The following RGS6 variants were observed in gnomAD, a reference collection of about 807,000 sequenced individuals.
The protein encoded by RGS6 is regulator of G protein signaling 6, also known as regulator of G-protein signaling 6.
A neutral mutation model predicts 78.5 loss-of-function variants in RGS6; 30 were observed. The ratio of observed to expected loss-of-function variants is 0.38; its 90% CI spans 0.29 to 0.52. RGS6 has a LOEUF of 0.52. Among genes scored for constraint, RGS6 ranks in the 20% least tolerant of loss-of-function variants. RGS6 has a pLI of 0.85. For missense variants in RGS6, 495 were observed against 609.7 expected (o/e 0.81, Z 1.98); for synonymous variants, 206 against 206.0 (o/e 1.00, Z 0.00).
At chr14:72,358,233 G>A (rs2080758502) in intron 3 of RGS6, among the ~76,000 whole-genome samples, 1 of 152,224 alleles carries the variant, frequency 6.6e-6, no homozygotes, top group Admixed American at 6.5e-5. Context: ...GCCTCTGCTA[G>A]AACAGTGCAG....
intron 2 of RGS6, among the ~76,000 whole-genome samples, chr14:72,117,340 C>G (rs1187376215): frequency 2.0e-5 from 3 of 152,090 alleles, no homozygotes; most frequent in African/African-American, 7.2e-5. Context: ...TCCCTGAGGT[C>G]ATGAGTTCAC....
At chr14:72,225,976 G>A (rs1394469607) in intron 2 of RGS6, among the ~76,000 whole-genome samples, 1 of 152,118 alleles carries the variant, frequency 6.6e-6, no homozygotes, top group African/African-American at 2.4e-5. Context: ...TTTTGCTGCT[G>A]TTATGGTTAA....
At chr14:71,995,175 T>C (rs1210627516) in intron 2 of RGS6, among the ~76,000 whole-genome samples, 1 of 152,168 alleles carries the variant, frequency 6.6e-6, no homozygotes, top group Non-Finnish European at 1.5e-5. Context: ...AAATTATGGT[T>C]ACCATGTCCC....
chr14:72,414,901 G>A (rs911552702), intron 3 of RGS6, among the ~76,000 whole-genome samples: 2 of 152,190 alleles, frequency 1.3e-5, no homozygotes, highest in Admixed American at 6.5e-5. Context: ...CTGCCTGATC[G>A]TTCCTCTGGA....
chr14:72,007,621 A>C (rs1284891644), intron 2 of RGS6, among the ~76,000 whole-genome samples: 1 of 152,146 alleles, frequency 6.6e-6, no homozygotes, highest in Non-Finnish European at 1.5e-5. Flanking sequence ...TTATGTGCGG[A>C]CCAAGACAGT....
chr14:72,361,482 T>C (rs1157632951), intron 3 of RGS6, among the ~76,000 whole-genome samples: 1 of 152,164 alleles, frequency 6.6e-6, no homozygotes, highest in Non-Finnish European at 1.5e-5. Flanking sequence ...GCTGAAAATA[T>C]AGTAGATGGT....
intron 2 of RGS6, among the ~76,000 whole-genome samples, chr14:71,982,718 C>T (rs1248916473): frequency 6.6e-6 from 1 of 152,232 alleles, no homozygotes; most frequent in African/African-American, 2.4e-5. Flanking sequence ...GAACAAGCAG[C>T]TCCAATTGCT....
chr14:72,236,380 G>A (rs1000883033), intron 2 of RGS6, among the ~76,000 whole-genome samples: 4 of 151,994 alleles, frequency 2.6e-5, no homozygotes, highest in Non-Finnish European at 5.9e-5. Context: ...TTATTAACTC[G>A]AGTTAAATAT....
Position 71,964,738 on chromosome 14 carries a change from C to T in RGS6, c.-20-34C>T, listed in dbSNP as rs77884502. ...CAAAGCCCTCTTTATATAATTCCTT[C>T]GTGACTTAATGGTTTATTCATTTAT... On this transcript the variant is annotated intron_variant, in intron 1 of 17. Transcript: ENST00000553525. 3.6e-3 allele frequency: 5,139 copies of T among 1,439,510 alleles called. 134 individuals carry two copies. The African/African-American group carries it at 0.058, about 16-fold the overall frequency. The allele number at this position is 1,439,510 out of a possible 1,614,324, so 89.2% of individuals were successfully genotyped here. A position where few individuals can be genotyped will look rare whatever the true frequency, so the allele number is the denominator to read the frequency against.
chr14:72,102,104 C>T (rs535757056), intron 2 of RGS6, among the ~76,000 whole-genome samples: 49 of 152,220 alleles, frequency 3.2e-4, no homozygotes, highest in African/African-American at 9.2e-4. Flanking sequence ...TTGTTCCAGC[C>T]GAGGAACAGC....
intron 2 of RGS6, among the ~76,000 whole-genome samples, chr14:72,234,517 G>C (rs1449555018): frequency 6.6e-6 from 1 of 152,164 alleles, no homozygotes; most frequent in African/African-American, 2.4e-5. Context: ...AGATCAGAAG[G>C]TTGCTTATCA....
At chr14:72,016,808 A>G (rs145476311) in intron 2 of RGS6, among the ~76,000 whole-genome samples, 64 of 152,170 alleles carry the variant, frequency 4.2e-4, no homozygotes, top group Middle Eastern at 3.4e-3. Context: ...TATACTTTAA[A>G]CTGTATTTTA....
At chr14:72,377,089 T>C (rs1053031848) in intron 3 of RGS6, among the ~76,000 whole-genome samples, 1 of 152,020 alleles carries the variant, frequency 6.6e-6, no homozygotes, top group Non-Finnish European at 1.5e-5. Flanking sequence ...TAGATTAAAA[T>C]CTCCATTTAG....
chr14:72,418,151 G>A (rs561321661), intron 3 of RGS6, among the ~76,000 whole-genome samples: 1 of 151,760 alleles, frequency 6.6e-6, no homozygotes, highest in African/African-American at 2.4e-5. Flanking sequence ...TGTACTGCCA[G>A]TGTCTCTCTT....
chr14:72,001,621 C>A (rs1456361562), intron 2 of RGS6, among the ~76,000 whole-genome samples: 1 of 152,072 alleles, frequency 6.6e-6, no homozygotes, highest in Non-Finnish European at 1.5e-5. Context: ...AAGACATATT[C>A]TCTTATTTTC....
chr14:72,552,012 CATT>C (rs1473049741), intron 17 of RGS6, among the ~76,000 whole-genome samples: 4 of 152,364 alleles, frequency 2.6e-5, no homozygotes, highest in Middle Eastern at 6.8e-3. Context: ...TCAGTTTCAT[CATT>C]ATGATATTAT....
At chr14:72,318,421 GACAC>G (rs61356796) in intron 2 of RGS6, among the ~76,000 whole-genome samples, 24,740 of 151,870 alleles carry the variant, frequency 0.16, 1,981 homozygotes, top group African/African-American at 0.2. Flanking sequence ...CACCCTCACA[GACAC>G]ACCCAAGATC....
chr14:72,356,567 GGT>G (rs2080339260), intron 3 of RGS6, among the ~76,000 whole-genome samples: 1 of 152,182 alleles, frequency 6.6e-6, no homozygotes, highest in South Asian at 2.1e-4. Context: ...TAGATGATAT[GGT>G]TTGGCCAAGT....
intron 2 of RGS6, among the ~76,000 whole-genome samples, chr14:72,340,157 C>T (rs116267470): frequency 0.012 from 1,818 of 152,262 alleles, 33 homozygotes; most frequent in African/African-American, 0.042. Context: ...CCTTGATGCT[C>T]ATTTCTACCT....
Sources: allele counts gnomAD v4.1 joint callset (sites outside exome capture counted in the v4.1 genomes callset), GRCh38; gene constraint gnomAD v4.1.1; transcripts MANE v1.5; gene names NCBI Gene and HGNC (gene_info 2026-07-23, HGNC 2026-07-21).